Variants in RPS6KC1 observed in about 807,000 individuals in gnomAD.
RPS6KC1 encodes ribosomal protein S6 kinase C1, also known as inactive ribosomal protein S6 kinase delta-1.
RPS6KC1 carries 54 observed loss-of-function variants against 103.8 expected under a neutral mutation model. That is an observed-to-expected ratio of 0.52 (90% CI 0.42 to 0.65). The LOEUF is 0.65. Ranked by LOEUF, RPS6KC1 falls within the 30% of genes least tolerant of loss-of-function variation. The pLI is 0.00. For missense variants in RPS6KC1, 1,151 were observed against 1,253.8 expected (o/e 0.92, Z 1.24); for synonymous variants, 439 against 438.7 (o/e 1.00, Z -0.01).
At chr1:213,481,277 G>A in the RPS6KC1 span, among the ~76,000 whole-genome samples, 1,520 of 152,248 alleles carry the variant, frequency 1.0e-2, 107 homozygotes, top group Admixed American at 0.093. Flanking sequence ...AATTTTAAAT[G>A]TCCCATGAAA....
chr1:213,761,710 G>T, the RPS6KC1 span, among the ~76,000 whole-genome samples: 2 of 152,120 alleles, frequency 1.3e-5, no homozygotes, highest in African/African-American at 4.8e-5. Flanking sequence ...CAGGTTCCTG[G>T]GTTCTTCAAA....
chr1:213,253,449 G>C (rs953505421), intron 12 of RPS6KC1, among the ~76,000 whole-genome samples: 6 of 152,106 alleles, frequency 3.9e-5, no homozygotes, highest in African/African-American at 1.2e-4. Context: ...GATATTGAAG[G>C]CCCCACAATT....
At chr1:213,511,191 T>C in the RPS6KC1 span, among the ~76,000 whole-genome samples, 1 of 152,170 alleles carries the variant, frequency 6.6e-6, no homozygotes, top group Non-Finnish European at 1.5e-5. Flanking sequence ...CTTTTTTTTT[T>C]TTTAGAAATA....
intron 8 of RPS6KC1, among the ~76,000 whole-genome samples, chr1:213,217,399 A>G (rs568606367): frequency 5.1e-4 from 78 of 152,282 alleles, no homozygotes; most frequent in East Asian, 3.3e-3. Flanking sequence ...CAACCAAAAA[A>G]AGTCCAGGAC....
At chr1:213,681,530 C>T in the RPS6KC1 span, among the ~76,000 whole-genome samples, 1 of 152,012 alleles carries the variant, frequency 6.6e-6, no homozygotes, top group Non-Finnish European at 1.5e-5. Context: ...CAGCACAGTG[C>T]CTTATGCCTG....
the RPS6KC1 span, among the ~76,000 whole-genome samples, chr1:213,762,611 TG>T: frequency 5.3e-5 from 8 of 152,348 alleles, no homozygotes; most frequent in East Asian, 1.3e-3. Context: ...GTGGTGCAGA[TG>T]GTCACTCTCA....
At chr1:213,638,554 G>A in the RPS6KC1 span, among the ~76,000 whole-genome samples, 1 of 146,122 alleles carries the variant, frequency 6.8e-6, no homozygotes, top group Non-Finnish European at 1.5e-5. Context: ...GACAAGATTT[G>A]TTTTGGGTTT....
chr1:213,530,815 A>G, the RPS6KC1 span, among the ~76,000 whole-genome samples: 18,274 of 152,176 alleles, frequency 0.12, 1,214 homozygotes, highest in African/African-American at 0.15. Flanking sequence ...CTGCCTCCTG[A>G]CCTGAGAGCC....
the RPS6KC1 span, among the ~76,000 whole-genome samples, chr1:213,567,535 C>T: frequency 6.6e-6 from 1 of 152,264 alleles, no homozygotes; most frequent in Non-Finnish European, 1.5e-5. Flanking sequence ...TCTCACTTTC[C>T]AATTATTGCT....
chr1:213,608,904 A>G, the RPS6KC1 span, among the ~76,000 whole-genome samples: 1 of 152,160 alleles, frequency 6.6e-6, no homozygotes, highest in Non-Finnish European at 1.5e-5. Context: ...TCATTTGACT[A>G]TTTCTTGGTT....
the RPS6KC1 span, among the ~76,000 whole-genome samples, chr1:213,680,362 C>T: frequency 6.6e-6 from 1 of 152,160 alleles, no homozygotes; most frequent in Non-Finnish European, 1.5e-5. Flanking sequence ...TTCTGAGTCC[C>T]AGCCCGGCTC....
chr1:213,600,354 A>G, the RPS6KC1 span, among the ~76,000 whole-genome samples: 1 of 152,210 alleles, frequency 6.6e-6, no homozygotes. Flanking sequence ...CAGAGCTTGG[A>G]GGAGTCCCCT....
the RPS6KC1 span, among the ~76,000 whole-genome samples, chr1:213,302,550 AC>A: frequency 6.6e-6 from 1 of 152,230 alleles, no homozygotes; most frequent in African/African-American, 2.4e-5. Flanking sequence ...TGTAATACTT[AC>A]ATTCCTGTGG....
the RPS6KC1 span, among the ~76,000 whole-genome samples, chr1:213,496,367 A>G: frequency 6.6e-6 from 1 of 152,200 alleles, no homozygotes; most frequent in Non-Finnish European, 1.5e-5. Flanking sequence ...AAATGAGTGA[A>G]TGGGCAAAGA....
At chr1:213,339,421 C>T in the RPS6KC1 span, among the ~76,000 whole-genome samples, 2 of 152,196 alleles carry the variant, frequency 1.3e-5, no homozygotes, top group Non-Finnish European at 2.9e-5. Context: ...AAAGATAACC[C>T]AGCTGAGCCT....
At chr1:213,841,931 G>A in the RPS6KC1 span, 9 of 152,086 alleles carry the variant, frequency 5.9e-5, no homozygotes, top group Admixed American at 1.3e-4. Flanking sequence ...TGCACTTCAG[G>A]TTAGCTCAAG....
At chr1:213,324,845 CTG>C in the RPS6KC1 span, among the ~76,000 whole-genome samples, 1 of 151,776 alleles carries the variant, frequency 6.6e-6, no homozygotes, top group Non-Finnish European at 1.5e-5. Flanking sequence ...ATTTGCCACA[CTG>C]AGAGTTCTCT....
the RPS6KC1 span, among the ~76,000 whole-genome samples, chr1:213,855,894 G>T: frequency 6.6e-6 from 1 of 152,242 alleles, no homozygotes; most frequent in Non-Finnish European, 1.5e-5. Flanking sequence ...ACAGGAGAGT[G>T]GCGGTAGCTG....
chr1:213,748,661 A>G, the RPS6KC1 span, among the ~76,000 whole-genome samples: 9 of 152,252 alleles, frequency 5.9e-5, no homozygotes, highest in Non-Finnish European at 1.0e-4. Flanking sequence ...TAAGAAAGAT[A>G]AAACCAAATA....
Sources: allele counts gnomAD v4.1 joint callset (sites outside exome capture counted in the v4.1 genomes callset), GRCh38; gene constraint gnomAD v4.1.1; transcripts MANE v1.5; gene names NCBI Gene and HGNC (gene_info 2026-07-23, HGNC 2026-07-21).